TANC2: variants seen among roughly 807,000 people sequenced by gnomAD.
TANC2 encodes the protein tetratricopeptide repeat, ankyrin repeat and coiled-coil containing 2.
A neutral mutation model predicts 210.5 loss-of-function variants in TANC2; 26 were observed. The ratio of observed to expected loss-of-function variants is 0.12; its 90% confidence interval spans 0.09 to 0.17. TANC2 has a LOEUF of 0.17. TANC2 is among the 10% of genes least tolerant of loss of function. The pLI is 1.00. For synonymous variants in TANC2, 931 were observed against 967.1 expected (o/e 0.96, Z 0.69); for missense variants, 2,129 against 2,608.9 (o/e 0.82, Z 4.01).
intron 1 of TANC2, among the ~76,000 whole-genome samples, chr17:62,995,405 G>A (rs868549196): frequency 3.9e-5 from 6 of 152,306 alleles, no homozygotes; most frequent in Middle Eastern, 3.4e-3. Flanking sequence ...TAAAATACTT[G>A]ACTTAGTTGA....
intron 2 of TANC2, among the ~76,000 whole-genome samples, chr17:63,071,376 C>T (rs1318429295): frequency 6.6e-6 from 1 of 152,018 alleles, no homozygotes; most frequent in Non-Finnish European, 1.5e-5. Flanking sequence ...ATTGTAACCT[C>T]AAATTCCTGG....
At chr17:63,215,480 G>T (rs1303200321) in intron 7 of TANC2, among the ~76,000 whole-genome samples, 1 of 152,146 alleles carries the variant, frequency 6.6e-6, no homozygotes, top group Non-Finnish European at 1.5e-5. Flanking sequence ...ACCAGGGAAT[G>T]ACTACGGTTA....
Position 63,246,895 on chromosome 17 carries a change from T to C in TANC2, c.1033+8818T>C, listed in dbSNP as rs114052528. On this transcript the variant is annotated intron_variant, in intron 8 of 27. Transcript: ENST00000689528. ...TTTTTAAGAAATGCAAAAATGTTTT[T>C]CTAAAAGTAGCTGTACTGTTTTGCA... 8.4e-3 allele frequency among the ~76,000 whole-genome samples: 1,283 copies of C among 152,284 alleles called. 15 individuals are homozygous for C. The highest frequency in any genetic ancestry group is 0.028 in the African/African-American group (1,174 of 41,570).
At chr17:63,413,584 A>G (rs1353072898) in exon 25 of TANC2, 6 of 1,602,662 alleles carry the variant, frequency 3.7e-6, no homozygotes, top group African/African-American at 1.3e-5. Flanking sequence ...GCCAGACATC[A>G]TGATCATCCT....
At chr17:63,043,833 T>C (rs2035281144) in intron 2 of TANC2, among the ~76,000 whole-genome samples, 2 of 152,120 alleles carry the variant, frequency 1.3e-5, no homozygotes, top group Admixed American at 6.5e-5. Context: ...CTGAAAGCAA[T>C]TTAAAAGCCC....
At chr17:63,324,349 G>T (rs953315527) in intron 11 of TANC2, among the ~76,000 whole-genome samples, 2 of 152,076 alleles carry the variant, frequency 1.3e-5, no homozygotes, top group African/African-American at 4.8e-5. Context: ...TATACCAGGG[G>T]GTGTCAAATG....
intron 5 of TANC2, among the ~76,000 whole-genome samples, chr17:63,167,343 A>G (rs1417235059): frequency 6.6e-6 from 1 of 152,184 alleles, no homozygotes; most frequent in African/African-American, 2.4e-5. Flanking sequence ...ATATAATTAT[A>G]TTGTATGTTC....
chr17:62,991,635 G>A (rs1049379707), intron 1 of TANC2, among the ~76,000 whole-genome samples: 8 of 141,352 alleles, frequency 5.7e-5, no homozygotes, highest in Non-Finnish European at 9.1e-5. Flanking sequence ...GCGAGACTCC[G>A]TCTCAAAAAA....
At chr17:63,372,033 T>A (rs1251399770) in intron 14 of TANC2, among the ~76,000 whole-genome samples, 1 of 152,150 alleles carries the variant, frequency 6.6e-6, no homozygotes, top group Non-Finnish European at 1.5e-5. Context: ...CGCATACTTA[T>A]CCAGCAAAGG....
intron 1 of TANC2, among the ~76,000 whole-genome samples, chr17:63,004,239 TG>T (rs1318858507): frequency 6.6e-6 from 1 of 152,196 alleles, no homozygotes; most frequent in African/African-American, 2.4e-5. Context: ...GCCATCTCAG[TG>T]GCATCACTGG....
Position 63,421,325 on chromosome 17 carries a change from C to T in TANC2, c.5595C>T (p.Arg1865=). 6.2e-7 allele frequency: 1 copy of T among 1,614,046 alleles called. No homozygotes were observed. ...TGCATTCCCAAAGTGTAGGCCTTCG[C>T]TTCTCTCCATCTAGCAATAGTATCT... The change falls in exon 28 of 28, where the codon CGC becomes CGT. Residue 1865 remains arginine (R), a synonymous_variant. Transcript: ENST00000689528. This position sits in a 1 kb window ranked among gnomAD's most constrained non-coding sequence, Gnocchi z 6.9.
At chr17:63,303,473 C>A (rs2044790335) in intron 9 of TANC2, among the ~76,000 whole-genome samples, 1 of 152,198 alleles carries the variant, frequency 6.6e-6, no homozygotes, top group African/African-American at 2.4e-5. Context: ...TGCTGTTAGT[C>A]TCATGGGCTT....
At chr17:63,298,065 G>A (rs1312869131) in intron 9 of TANC2, among the ~76,000 whole-genome samples, 2 of 152,148 alleles carry the variant, frequency 1.3e-5, no homozygotes, top group African/African-American at 4.8e-5. Flanking sequence ...AAGTGTTAAT[G>A]AGGATTTGGA....
At chr17:63,186,771 T>C (rs764050413) in intron 5 of TANC2, among the ~76,000 whole-genome samples, 1 of 152,242 alleles carries the variant, frequency 6.6e-6, no homozygotes, top group Non-Finnish European at 1.5e-5. Context: ...CGTAGCCTAA[T>C]GCGTAAACAC....
chr17:62,996,889 C>G (rs1285086439), intron 1 of TANC2, among the ~76,000 whole-genome samples: 1 of 149,932 alleles, frequency 6.7e-6, no homozygotes, highest in Non-Finnish European at 1.5e-5. Context: ...TCTGGGTTCA[C>G]TGCAACCTCT....
chr17:63,194,242 T>C lies in TANC2; in HGVS notation c.582+103T>C, dbSNP rs1470351495. ...TGCCTTTTGAGGCCTAGAATACAAC[T>C]TAACTTTCCATAATCACTATTATTT... On this transcript the variant is annotated intron_variant, in intron 6 of 27. Coordinates refer to ENST00000689528, the Ensembl canonical transcript of TANC2. 3 of 1,157,632 alleles carry C rather than the reference T, an allele frequency of 2.6e-6. No individual in the cohort carries two copies. In the Admixed American group the frequency reaches 9.3e-5, roughly 36 times the overall value. 71.7% of individuals were successfully genotyped at this position (1,157,632 alleles called of 1,614,324 possible).
intron 21 of TANC2, among the ~76,000 whole-genome samples, chr17:63,407,259 C>T (rs186762344): frequency 1.3e-5 from 2 of 152,142 alleles, no homozygotes; most frequent in Non-Finnish European, 2.9e-5. Flanking sequence ...TTACAGGGTG[C>T]GAAGTGGCTC....
intron 5 of TANC2, among the ~76,000 whole-genome samples, chr17:63,183,401 C>T (rs546689693): frequency 6.2e-4 from 95 of 152,228 alleles, no homozygotes; most frequent in South Asian, 4.1e-3. Context: ...TTAATGCATT[C>T]GTCGTAATAC....
At chr17:63,278,689 G>A (rs887275455) in intron 9 of TANC2, among the ~76,000 whole-genome samples, 21 of 152,134 alleles carry the variant, frequency 1.4e-4, no homozygotes. Flanking sequence ...GTTTATTGCA[G>A]CATTATTCAC....
Sources: allele counts gnomAD v4.1 joint callset (sites outside exome capture counted in the v4.1 genomes callset), GRCh38; gene constraint gnomAD v4.1.1; non-coding constraint Gnocchi (gnomAD v3.1); transcripts MANE v1.5; gene names NCBI Gene and HGNC (gene_info 2026-07-23, HGNC 2026-07-21).